The following CATSPERG variants were observed in gnomAD, a reference collection of about 807,000 sequenced individuals.
The protein encoded by CATSPERG is catsper channel auxiliary subunit gamma, also known as cation channel sperm-associated auxiliary subunit gamma.
Under a neutral mutation model 145.0 loss-of-function variants are expected in CATSPERG, and 115 were observed. The observed-to-expected ratio is 0.79, with a 90% CI of 0.68 to 0.93. The LOEUF is 0.93. CATSPERG is among the 40% of genes least tolerant of loss of function. CATSPERG has a pLI of 0.00. For synonymous variants in CATSPERG, 588 were observed against 589.0 expected (o/e 1.00, Z 0.02); for missense variants, 1,296 against 1,490.1 (o/e 0.87, Z 2.14).
In CATSPERG at chr19:38,352,410, C is replaced by T; in HGVS notation, c.975C>T (p.Leu325=). Residue 325 remains leucine, a synonymous_variant, in exon 8 of 29, where the codon CTC becomes CTT. Coordinates refer to ENST00000409235, the MANE Select transcript of CATSPERG (RefSeq NM_021185.5). ...VYYFTGTYTT[L]YERNRGSGSW... is the part of the protein sequence containing the mutation. ...ATTTTACAGGCACCTATACCACACT[C>T]TATGAGAGAAACCGCGGCAGTGGTG... 6.4e-7 allele frequency: 1 copy of T among 1,551,910 alleles called. No homozygotes were observed. Among genetic ancestry groups the T allele is most frequent in the Non-Finnish European group, 8.7e-7 (1 of 1,147,116 alleles).
Position 38,370,854 on chromosome 19 carries a change from G to A in CATSPERG, c.*62G>A. The A allele has an allele frequency of 6.5e-7, 1 of 1,549,548 alleles. No individual in the cohort carries two copies. The highest frequency in any genetic ancestry group is 8.8e-7 in the Non-Finnish European group (1 of 1,130,542). On this transcript the variant is annotated 3_prime_UTR_variant, in exon 29 of 29. Coordinates refer to ENST00000409235, the MANE Select transcript of CATSPERG (RefSeq NM_021185.5). ...CCTCTCTTATGAGGCCCATCTTGAA[G>A]ATGCAACCTGTCACCCAGCCCAGGC...
At position 38,362,704 on chromosome 19, in the gene CATSPERG, C is replaced by G; in HGVS notation, c.2357-10C>G. On this transcript the variant is annotated splice_polypyrimidine_tract_variant and intron_variant, in intron 19 of 28. Coordinates refer to ENST00000409235, the MANE Select transcript of CATSPERG (RefSeq NM_021185.5). ...AGGGAGGCCTTAACCCCGTTTACTGCCCGGAGCAGGCACCGCCTTCCAGCT... is the reference window on the plus strand; with the variant it reads ...AGGGAGGCCTTAACCCCGTTTACTGGCCGGAGCAGGCACCGCCTTCCAGCT... The G allele has an allele frequency of 6.2e-7, 1 of 1,613,512 alleles. No individual in the cohort carries two copies. The highest frequency in any genetic ancestry group is 8.5e-7 in the Non-Finnish European group (1 of 1,179,534).
chr19:38,362,705 C>G lies in CATSPERG; in HGVS notation c.2357-9C>G. 1.2e-6 allele frequency: 2 copies of G among 1,613,724 alleles called. No individual in the cohort carries two copies. The highest frequency in any genetic ancestry group is 1.7e-6 in the Non-Finnish European group (2 of 1,179,708). On this transcript the variant is annotated splice_polypyrimidine_tract_variant and intron_variant, in intron 19 of 28. Transcript: ENST00000409235. ...GGGAGGCCTTAACCCCGTTTACTGC[C>G]CGGAGCAGGCACCGCCTTCCAGCTG... is the stretch of plus-strand genomic sequence containing the variant.
chr19:38,344,119 G>T lies in CATSPERG; in HGVS notation c.596G>T (p.Arg199Met), dbSNP rs1347490722. 4 of 1,551,476 alleles carry T rather than the reference G, an allele frequency of 2.6e-6. No individual in the cohort carries two copies. In the African/African-American group the frequency reaches 5.5e-5, roughly 21 times the overall value. The change falls in exon 5 of 29, where the codon AGG becomes ATG. Residue 199 changes from arginine to methionine, a missense_variant and splice_region_variant. Transcript: ENST00000409235. ...NGLGTFIPDK[R>M]FQMNINGFLK... The stretch of plus-strand genomic sequence containing the variant: ...CTGGGGACCTTCATTCCAGATAAAA[G>T]GTACCCTTTCCCAAGACGGGGGCTG...
At chr19:38,339,070 G>T (rs999507890) in intron 3 of CATSPERG, among the ~76,000 whole-genome samples, 1 of 152,098 alleles carries the variant, frequency 6.6e-6, no homozygotes, top group Non-Finnish European at 1.5e-5. Flanking sequence ...CTAAAGCCCC[G>T]AGCTCTGGGA....
intron 6 of CATSPERG, 116 bp downstream of exon 6, chr19:38,344,484 C>T: frequency 1.2e-6 from 1 of 844,396 alleles, no homozygotes; most frequent in Non-Finnish European, 2.0e-6. Context: ...ATGCCAGGCC[C>T]CACATGAAGA....
intron 7 of CATSPERG, among the ~76,000 whole-genome samples, chr19:38,350,687 A>G (rs1432876009): frequency 6.6e-6 from 1 of 152,124 alleles, no homozygotes; most frequent in Non-Finnish European, 1.5e-5. Context: ...TATTGACTTG[A>G]TGCTCAAAAC....
At chr19:38,363,439 G>GTGAGGTGTGAGGCA (rs1424544855) in intron 20 of CATSPERG, among the ~76,000 whole-genome samples, 4 of 151,128 alleles carry the variant, frequency 2.6e-5, no homozygotes, top group Admixed American at 2.0e-4. Context: ...GGCGTGAGGT[G>GTGAGGTGTGAGGCA]TGAGGTGTGA....
At chr19:38,347,303 G>A (rs562972274) in intron 7 of CATSPERG, among the ~76,000 whole-genome samples, 5 of 152,294 alleles carry the variant, frequency 3.3e-5, no homozygotes, top group Admixed American at 6.5e-5. Flanking sequence ...GCATGAAGCC[G>A]GGAGGCGGAG....
At chr19:38,352,535 G>A (rs1600461485) in intron 8 of CATSPERG, 103 bp downstream of exon 8, 1 of 1,195,884 alleles carries the variant, frequency 8.4e-7, no homozygotes, top group Non-Finnish European at 1.2e-6. Context: ...AGGCATTGGG[G>A]AAGGAACTTG....
At chr19:38,368,292 C>A (rs1350125101) in intron 26 of CATSPERG, among the ~76,000 whole-genome samples, 155 bp downstream of exon 26, 1 of 152,206 alleles carries the variant, frequency 6.6e-6, no homozygotes, top group African/African-American at 2.4e-5. Flanking sequence ...AAGCTGAAGT[C>A]TCTGCCTGGA....
chr19:38,358,803 A>G (rs1600472485), intron 13 of CATSPERG, among the ~76,000 whole-genome samples: 1 of 151,776 alleles, frequency 6.6e-6, no homozygotes, highest in Admixed American at 6.6e-5. Flanking sequence ...TTATATAAAG[A>G]CCCAGCCTGT....
At chr19:38,360,457 GACAC>G (rs758162507) in intron 14 of CATSPERG, 28 bp from the exon 15 acceptor site, 1 of 1,612,596 alleles carries the variant, frequency 6.2e-7, no homozygotes, top group Non-Finnish European at 8.5e-7. Context: ...CCATGGTCCT[GACAC>G]ACACACATCC....
intron 6 of CATSPERG, among the ~76,000 whole-genome samples, chr19:38,346,241 T>G (rs1201095656): frequency 1.3e-5 from 2 of 152,150 alleles, no homozygotes; most frequent in African/African-American, 4.8e-5. Flanking sequence ...GAGGTGGGCA[T>G]GTTCCTGGGA....
rs753217248 is a variant in CATSPERG at position 38,358,599 on chromosome 19, C to CTT, written c.1496+39_1496+40insTT. 3.1e-6 allele frequency: 5 copies of CTT among 1,613,312 alleles called. No homozygotes were observed. The South Asian group carries it at 3.3e-5, about 11-fold the overall frequency. On this transcript the variant is annotated intron_variant, in intron 13 of 28. Transcript: ENST00000409235. ...CACCCCTGGGTGGGCCAGGCATACT[C>CTT]TGTCTCCCCAGCAACTTTACGGTGG...
chr19:38,353,716 A>AAAAAAG (rs1568376689), intron 8 of CATSPERG, among the ~76,000 whole-genome samples: 5 of 139,338 alleles, frequency 3.6e-5, no homozygotes, highest in Non-Finnish European at 6.2e-5. Context: ...AAAAAAAAAG[A>AAAAAAG]AAAAGGCCAG....
intron 20 of CATSPERG, among the ~76,000 whole-genome samples, chr19:38,363,796 A>T (rs975853027): frequency 1.3e-5 from 2 of 152,212 alleles, no homozygotes; most frequent in Admixed American, 1.3e-4. Context: ...GTCACAGATC[A>T]ACAGGATCCC....
In CATSPERG at chr19:38,361,632, C is replaced by G. The variant is rs1193466420; in HGVS notation, c.1881-16C>G. On this transcript the variant is annotated splice_polypyrimidine_tract_variant and intron_variant, in intron 16 of 28. Coordinates refer to ENST00000409235, the MANE Select transcript of CATSPERG (RefSeq NM_021185.5). ...TGCCTTAGAGCCAGCAGCCTTTCCC[C>G]CTTGCCACTGCCCAGGGGCTACTTG... The G allele has an allele frequency of 6.2e-7, 1 of 1,602,988 alleles. No individual in the cohort carries two copies. The highest frequency in any genetic ancestry group is 2.2e-5 in the East Asian group (1 of 44,710).
chr19:38,364,800 G>A (rs1970420027), intron 20 of CATSPERG, 91 bp from the exon 21 acceptor site: 6 of 1,006,482 alleles, frequency 6.0e-6, no homozygotes, highest in African/African-American at 3.2e-5. Flanking sequence ...CCACCACCTC[G>A]CCCCAGCTAT....
Sources: allele counts gnomAD v4.1 joint callset (sites outside exome capture counted in the v4.1 genomes callset), GRCh38; gene constraint gnomAD v4.1.1; transcripts MANE v1.5; gene names NCBI Gene and HGNC (gene_info 2026-07-23, HGNC 2026-07-21).